The following ROBO1 variants were observed in gnomAD, a reference collection of about 807,000 sequenced individuals.
The protein encoded by ROBO1 is roundabout homolog 1.
ROBO1 carries 149 observed loss-of-function variants against 195.9 expected under a neutral mutation model. The ratio of observed to expected loss-of-function variants is 0.76; its 90% CI spans 0.67 to 0.87. The LOEUF (loss-of-function observed/expected upper bound fraction) is 0.87. ROBO1 is among the 40% of genes least tolerant of loss of function. The pLI, the probability that ROBO1 is intolerant of heterozygous loss-of-function variation, is 0.00. For missense variants in ROBO1, 1,933 were observed against 2,068.3 expected, an observed-to-expected ratio of 0.93 and a Z score of 1.27; for synonymous variants, 816 against 733.2, an observed-to-expected ratio of 1.11 and a Z score of -1.82.
intron 4 of ROBO1, among the ~76,000 whole-genome samples, chr3:78,754,344 T>TA (rs1214978012): frequency 1.3e-5 from 2 of 152,068 alleles, no homozygotes; most frequent in Non-Finnish European, 2.9e-5. Flanking sequence ...CTGGCAGGGT[T>TA]AAAAAAACAC....
chr3:78,736,921 G>A (rs1163199854), intron 5 of ROBO1, among the ~76,000 whole-genome samples: 1 of 152,134 alleles, frequency 6.6e-6, no homozygotes, highest in Non-Finnish European at 1.5e-5. Flanking sequence ...TTCTTAACCA[G>A]TACTTTGCAT....
At chr3:79,422,123 ATATTATATACAATACATATTTTATG>A (rs1203455339) in intron 2 of ROBO1, among the ~76,000 whole-genome samples, 7 of 148,258 alleles carry the variant, frequency 4.7e-5, no homozygotes, top group South Asian at 2.1e-4. Context: ...TATTTTATGC[ATATTATATACAATACATATTTTATG>A]TATTATATAC....
chr3:79,158,709 A>C (rs1415159374), intron 2 of ROBO1, among the ~76,000 whole-genome samples: 1 of 151,748 alleles, frequency 6.6e-6, no homozygotes, highest in Admixed American at 6.6e-5. Context: ...ACCATGTTTC[A>C]AATTCTGTCT....
chr3:79,292,363 T>C (rs1225026964), intron 2 of ROBO1, among the ~76,000 whole-genome samples: 2 of 152,216 alleles, frequency 1.3e-5, no homozygotes, highest in Non-Finnish European at 2.9e-5. Context: ...TTGAATACGC[T>C]TTATTTCTTT....
chr3:79,495,967 C>T (rs866019740), intron 2 of ROBO1, among the ~76,000 whole-genome samples: 2 of 152,068 alleles, frequency 1.3e-5, no homozygotes, highest in Admixed American at 6.6e-5. Flanking sequence ...AATACCAGCA[C>T]TTTGGGAGGC....
intron 2 of ROBO1, among the ~76,000 whole-genome samples, chr3:79,535,608 CATG>C (rs1181863912): frequency 6.6e-6 from 1 of 152,156 alleles, no homozygotes; most frequent in African/African-American, 2.4e-5. Flanking sequence ...AAGTTATGAG[CATG>C]ATGTCAATCC....
In ROBO1 at chr3:79,024,944, C is replaced by T. The variant is rs529433507; in HGVS notation, c.173-86017G>A. ...CAGAGGGATCTTGTTAAATCTGAGA[C>T]AGATTATGCCTCTCCTCTGCTCAAA... On this transcript the variant is annotated intron_variant, in intron 3 of 30. Transcript: ENST00000464233. Among the ~76,000 whole-genome samples the T allele has an allele frequency of 2.0e-5, 3 of 152,294 alleles. No individual in the cohort carries two copies. In the East Asian group the frequency reaches 5.8e-4, roughly 29 times the overall value.
intron 4 of ROBO1, among the ~76,000 whole-genome samples, chr3:78,769,427 C>T (rs2083310471): frequency 6.6e-6 from 1 of 152,030 alleles, no homozygotes; most frequent in Non-Finnish European, 1.5e-5. Flanking sequence ...CCTTTTTCCA[C>T]CCTTTAAGTT....
At chr3:78,607,553 A>T (rs941466707) in intron 28 of ROBO1, among the ~76,000 whole-genome samples, 7 of 152,324 alleles carry the variant, frequency 4.6e-5, no homozygotes, top group African/African-American at 1.7e-4. Flanking sequence ...TCTAGCACAG[A>T]ACCATTGAAT....
intron 1 of ROBO1, among the ~76,000 whole-genome samples, chr3:79,630,848 G>GAA (rs1945318899): frequency 6.6e-6 from 1 of 151,456 alleles, no homozygotes; most frequent in Non-Finnish European, 1.5e-5. Flanking sequence ...TTGAAGCTGA[G>GAA]AACCAAATCA....
intron 2 of ROBO1, among the ~76,000 whole-genome samples, chr3:79,354,376 C>T (rs150352658): frequency 1.9e-3 from 287 of 152,296 alleles, no homozygotes; most frequent in African/African-American, 6.5e-3. Flanking sequence ...CAATCAACTT[C>T]CTCCTGATTC....
chr3:79,564,586 A>G (rs971470036), intron 2 of ROBO1, among the ~76,000 whole-genome samples: 1 of 152,098 alleles, frequency 6.6e-6, no homozygotes, highest in African/African-American at 2.4e-5. Flanking sequence ...TAATGATGCT[A>G]TTATAAATGC....
chr3:78,692,133 C>T (rs548106437), intron 8 of ROBO1, among the ~76,000 whole-genome samples: 1 of 151,800 alleles, frequency 6.6e-6, no homozygotes, highest in African/African-American at 2.4e-5. Flanking sequence ...ATTTCATTCT[C>T]TACATGTATT....
chr3:78,722,482 A>G (rs2082066313), intron 5 of ROBO1, among the ~76,000 whole-genome samples: 1 of 152,172 alleles, frequency 6.6e-6, no homozygotes, highest in African/African-American at 2.4e-5. Flanking sequence ...CAGCAATATA[A>G]AACAAATCAA....
chr3:78,681,283 T>C (rs1575921111), intron 10 of ROBO1, among the ~76,000 whole-genome samples: 2 of 151,922 alleles, frequency 1.3e-5, no homozygotes, highest in Admixed American at 1.3e-4. Flanking sequence ...TGTATACATA[T>C]GTAACTAACC....
chr3:79,016,529 AT>A (rs1238705715), intron 3 of ROBO1, among the ~76,000 whole-genome samples: 3 of 152,232 alleles, frequency 2.0e-5, no homozygotes, highest in Non-Finnish European at 4.4e-5. Context: ...ATCCTCAGAT[AT>A]CTACTACTCA....
rs115297090 is a variant in ROBO1, at chr3:79,284,928, A to G, written c.89-159389T>C. On this transcript the variant is annotated intron_variant, in intron 2 of 30. Coordinates refer to ENST00000464233, the MANE Select transcript of ROBO1 (RefSeq NM_002941.4). ...TAGAACAGGTGACAAAATAGCCTGGAAAAAAAAAAGTACTATTTAGTCAAA... is the reference window on the plus strand; with the variant it reads ...TAGAACAGGTGACAAAATAGCCTGGGAAAAAAAAAGTACTATTTAGTCAAA... Among the ~76,000 whole-genome samples the G allele has an allele frequency of 7.9e-4, 117 of 147,650 alleles. 1 individual carries two copies. The highest frequency in any genetic ancestry group is 2.8e-3 in the African/African-American group (114 of 40,154).
chr3:79,168,866 A>G (rs898086948), intron 2 of ROBO1, among the ~76,000 whole-genome samples: 4 of 152,206 alleles, frequency 2.6e-5, no homozygotes, highest in African/African-American at 9.6e-5. Flanking sequence ...ATGTTATGAA[A>G]GAATGCTAGA....
intron 2 of ROBO1, among the ~76,000 whole-genome samples, chr3:79,414,384 G>A (rs1243494015): frequency 1.3e-5 from 2 of 152,052 alleles, no homozygotes; most frequent in African/African-American, 4.8e-5. Flanking sequence ...AAAGTTTGTT[G>A]AACTGTGGTA....
Sources: gnomAD v4.1 joint callset for allele counts (sites outside exome capture counted in the v4.1 genomes callset) on GRCh38, gnomAD v4.1.1 for gene constraint, MANE v1.5 for transcripts, NCBI Gene and HGNC (gene_info 2026-07-23, HGNC 2026-07-21) for gene names.